The following SERGEF variants were observed in gnomAD, a reference collection of about 807,000 sequenced individuals.
SERGEF encodes the protein secretion regulating guanine nucleotide exchange factor.
Under a neutral mutation model 50.0 loss-of-function variants are expected in SERGEF, and 51 were observed. That is an observed-to-expected ratio of 1.02 (90% CI 0.81 to 1.29). SERGEF has a LOEUF of 1.29. SERGEF is among the 50% of genes most tolerant of loss of function. The pLI is 0.00. For synonymous variants in SERGEF, 205 were observed against 212.4 expected, an observed-to-expected ratio of 0.97 and a Z score of 0.30; for missense variants, 521 against 557.0, an observed-to-expected ratio of 0.94 and a Z score of 0.65.
intron 9 of SERGEF, among the ~76,000 whole-genome samples, chr11:17,936,532 A>T (rs1852455629): frequency 6.6e-6 from 1 of 152,216 alleles, no homozygotes; most frequent in Non-Finnish European, 1.5e-5. Context: ...TTCTCATCTG[A>T]CAAGTAACAG....
intron 9 of SERGEF, among the ~76,000 whole-genome samples, chr11:17,947,923 A>T (rs574614600): frequency 2.0e-5 from 3 of 152,182 alleles, no homozygotes; most frequent in Admixed American, 1.3e-4. Flanking sequence ...TACCTCTTTT[A>T]AAAAATCCAA....
At chr11:17,988,144 T>C (rs1853638143) in intron 8 of SERGEF, among the ~76,000 whole-genome samples, 1 of 152,182 alleles carries the variant, frequency 6.6e-6, no homozygotes, top group African/African-American at 2.4e-5. Context: ...GTTTATTAGG[T>C]CAACAAAAGT....
intron 10 of SERGEF, among the ~76,000 whole-genome samples, chr11:17,827,454 A>T (rs1850216850): frequency 6.6e-6 from 1 of 152,244 alleles, no homozygotes. Context: ...GAAGAGAAAG[A>T]CAATGACACA....
intron 9 of SERGEF, among the ~76,000 whole-genome samples, chr11:17,940,272 C>T (rs1420886328): frequency 6.6e-6 from 1 of 152,122 alleles, no homozygotes; most frequent in Non-Finnish European, 1.5e-5. Flanking sequence ...ACATCAATAT[C>T]CCAGGATGCT....
At chr11:17,957,732 T>A (rs1590217982) in intron 9 of SERGEF, among the ~76,000 whole-genome samples, 1 of 139,702 alleles carries the variant, frequency 7.2e-6, no homozygotes. Context: ...GATTCACTAG[T>A]GGTGGGAAAA....
At chr11:17,973,238 TC>T (rs1430688372) in intron 8 of SERGEF, among the ~76,000 whole-genome samples, 1 of 151,898 alleles carries the variant, frequency 6.6e-6, no homozygotes, top group Non-Finnish European at 1.5e-5. Flanking sequence ...GGAACACAGC[TC>T]CCCCTGCAGA....
At chr11:17,872,629 C>T (rs553374724) in intron 10 of SERGEF, among the ~76,000 whole-genome samples, 1 of 152,314 alleles carries the variant, frequency 6.6e-6, no homozygotes, top group East Asian at 1.9e-4. Context: ...ACAGTAATTT[C>T]ACTTCTAGGA....
intron 9 of SERGEF, among the ~76,000 whole-genome samples, chr11:17,916,210 G>A (rs1042243687): frequency 2.6e-5 from 4 of 152,084 alleles, no homozygotes; most frequent in Admixed American, 6.5e-5. Flanking sequence ...TAAATACATC[G>A]CTCTATCACC....
At chr11:17,873,620 A>G (rs1327771807) in intron 10 of SERGEF, among the ~76,000 whole-genome samples, 1 of 152,096 alleles carries the variant, frequency 6.6e-6, no homozygotes, top group East Asian at 1.9e-4. Flanking sequence ...AAATCCATGC[A>G]TATATTATAG....
intron 9 of SERGEF, among the ~76,000 whole-genome samples, chr11:17,882,410 G>T (rs1329798413): frequency 1.5e-5 from 2 of 129,090 alleles, no homozygotes; most frequent in African/African-American, 3.1e-5. Flanking sequence ...CAGAGCAAGA[G>T]TCAGTCTCAA....
chr11:17,894,620 T>C (rs1425773140), intron 9 of SERGEF, among the ~76,000 whole-genome samples: 2 of 152,342 alleles, frequency 1.3e-5, no homozygotes, highest in East Asian at 3.9e-4. Flanking sequence ...TGCACAGTGC[T>C]GTGTACATAG....
rs577333448 is a variant in SERGEF at position 17,956,528 on chromosome 11, C to T, written c.1011+2942G>A. 5.3e-5 allele frequency among the ~76,000 whole-genome samples: 8 copies of T among 152,290 alleles called. No homozygotes were observed. In the South Asian group the frequency reaches 1.7e-3, roughly 32 times the overall value. ...TCTGCAAAGCATTTAGCATATTGGC[C>T]TATAATAAGCACTAAATAACTTTGT... On this transcript the variant is annotated intron_variant, in intron 9 of 10. Transcript: ENST00000265965.
chr11:17,804,864 G>A (rs1431669333), intron 10 of SERGEF, among the ~76,000 whole-genome samples: 2 of 152,062 alleles, frequency 1.3e-5, no homozygotes, highest in Admixed American at 1.3e-4. Flanking sequence ...GGTGTTGCAG[G>A]GTTTGGAGAA....
At chr11:17,818,741 G>T (rs1213911022) in intron 10 of SERGEF, among the ~76,000 whole-genome samples, 1 of 152,014 alleles carries the variant, frequency 6.6e-6, no homozygotes, top group African/African-American at 2.4e-5. Flanking sequence ...TCTAAACTCC[G>T]CCCCTGATTT....
intron 10 of SERGEF, among the ~76,000 whole-genome samples, chr11:17,789,764 T>C (rs1192279162): frequency 2.0e-5 from 3 of 152,258 alleles, no homozygotes; most frequent in African/African-American, 4.8e-5. Context: ...TATATATGTT[T>C]GTCCTGCTTT....
At chr11:17,986,551 TC>T (rs1364730472) in intron 8 of SERGEF, among the ~76,000 whole-genome samples, 1 of 152,228 alleles carries the variant, frequency 6.6e-6, no homozygotes, top group Non-Finnish European at 1.5e-5. Flanking sequence ...GGTTCCAACC[TC>T]CCACCCCAAG....
At chr11:17,980,812 A>G (rs1012241547) in intron 8 of SERGEF, among the ~76,000 whole-genome samples, 1 of 152,144 alleles carries the variant, frequency 6.6e-6, no homozygotes, top group African/African-American at 2.4e-5. Context: ...GCTGCAGTAA[A>G]TGGCATTATA....
At chr11:17,999,321 T>G (rs185640308) in intron 5 of SERGEF, among the ~76,000 whole-genome samples, 30 of 152,318 alleles carry the variant, frequency 2.0e-4, no homozygotes, top group African/African-American at 6.7e-4. Flanking sequence ...GTACTATAGT[T>G]TTGCAAGATA....
At chr11:17,941,703 T>C (rs979779843) in intron 9 of SERGEF, among the ~76,000 whole-genome samples, 2 of 152,220 alleles carry the variant, frequency 1.3e-5, no homozygotes, top group African/African-American at 4.8e-5. Context: ...TCTGAGGAAC[T>C]GTCATGCTGT....
Sources: allele counts gnomAD v4.1 joint callset (sites outside exome capture counted in the v4.1 genomes callset), GRCh38; gene constraint gnomAD v4.1.1; transcripts MANE v1.5; gene names NCBI Gene and HGNC (gene_info 2026-07-23, HGNC 2026-07-21).